PSD3: variants seen among roughly 807,000 people sequenced by gnomAD.
The protein encoded by PSD3 is pleckstrin and Sec7 domain containing 3, also known as PH and SEC7 domain-containing protein 3.
In PSD3, 49 loss-of-function variants were observed where a neutral mutation model predicts 105.5. The observed-to-expected ratio is 0.46, with a 90% CI of 0.37 to 0.59. The LOEUF (loss-of-function observed/expected upper bound fraction) is 0.59. Among genes scored for constraint, PSD3 ranks in the 20% least tolerant of loss-of-function variants. PSD3 has a pLI of 0.00. For synonymous variants in PSD3, 557 were observed against 457.8 expected (o/e 1.22, Z -2.77); for missense variants, 1,561 against 1,263.8 (o/e 1.24, Z -3.57).
intron 9 of PSD3, among the ~76,000 whole-genome samples, chr8:18,677,734 G>A (rs1480106002): frequency 1.3e-5 from 2 of 152,148 alleles, no homozygotes; most frequent in African/African-American, 2.4e-5. Flanking sequence ...CATGTTGACT[G>A]GGCACGGTGG....
intron 2 of PSD3, among the ~76,000 whole-genome samples, chr8:18,899,235 TTC>T (rs2129460464): frequency 1.3e-5 from 2 of 152,320 alleles, no homozygotes; most frequent in South Asian, 4.1e-4. Flanking sequence ...GCTCTTGAAT[TTC>T]TCTGATATCT....
chr8:18,799,195 A>G, intron 8 of PSD3, 100 bp downstream of exon 8: 1 of 1,049,174 alleles, frequency 9.5e-7, no homozygotes, highest in Non-Finnish European at 1.5e-6. Flanking sequence ...AACCATGTAG[A>G]GAATGGGAAA....
rs1461952666 is a variant in PSD3 at position 18,529,156 on chromosome 8, G to C, written c.*6587C>G. 6.6e-6 allele frequency: 1 copy of C among 152,208 alleles called. No homozygotes were observed. The highest frequency in any genetic ancestry group is 1.9e-4 in the East Asian group (1 of 5,186). 9.4% of individuals were successfully genotyped at this position (152,208 alleles called of 1,614,324 possible). A position where few individuals can be genotyped will look rare whatever the true frequency, so the allele number is the denominator to read the frequency against. On this transcript the variant is annotated 3_prime_UTR_variant, in exon 16 of 16. Coordinates refer to ENST00000327040, the MANE Select transcript of PSD3 (RefSeq NM_015310.4). ...TTCACCCAGGCTACGGAGAGATGCT[G>C]GAGAGCTGCTGCTTGTGAATTACAA... is the stretch of plus-strand genomic sequence containing the variant.
chr8:18,668,520 T>G (rs563311545), intron 9 of PSD3, among the ~76,000 whole-genome samples: 1 of 152,326 alleles, frequency 6.6e-6, no homozygotes, highest in South Asian at 2.1e-4. Flanking sequence ...GGTAGTATTA[T>G]TCCCACTCTA....
chr8:19,061,680 C>T (rs531792800), intron 1 of PSD3, among the ~76,000 whole-genome samples: 8 of 151,958 alleles, frequency 5.3e-5, no homozygotes, highest in Non-Finnish European at 7.4e-5. Flanking sequence ...TGGGGTGTGC[C>T]TGTAATCCCA....
intron 15 of PSD3, among the ~76,000 whole-genome samples, chr8:18,540,016 T>C (rs117781269): frequency 0.014 from 2,166 of 152,240 alleles, 18 homozygotes; most frequent in Non-Finnish European, 0.022. Flanking sequence ...GTGCGCTTTA[T>C]TAAGAATGCC....
chr8:18,965,710 T>C (rs1336097881), intron 1 of PSD3, among the ~76,000 whole-genome samples: 3 of 152,234 alleles, frequency 2.0e-5, no homozygotes, highest in Non-Finnish European at 1.5e-5. Context: ...ATTCTGGAGA[T>C]GGATGGCAAG....
At chr8:18,934,161 C>A (rs1821923646) in intron 2 of PSD3, among the ~76,000 whole-genome samples, 1 of 152,186 alleles carries the variant, frequency 6.6e-6, no homozygotes. Context: ...TCCCATCTAA[C>A]ATGTGAGTCA....
chr8:18,647,342 T>C (rs1341368203), intron 10 of PSD3, among the ~76,000 whole-genome samples: 13 of 152,172 alleles, frequency 8.5e-5, no homozygotes, highest in Non-Finnish European at 1.9e-4. Flanking sequence ...GCCAGAACAA[T>C]TTAATATGTG....
chr8:18,686,229 C>T (rs1048305559), intron 9 of PSD3, among the ~76,000 whole-genome samples: 31 of 152,222 alleles, frequency 2.0e-4, no homozygotes, highest in Non-Finnish European at 2.9e-4. Flanking sequence ...TAATACCTTA[C>T]AGAAGCCACT....
chr8:18,847,914 G>A (rs115765048), intron 4 of PSD3, among the ~76,000 whole-genome samples: 471 of 152,280 alleles, frequency 3.1e-3, no homozygotes, highest in African/African-American at 0.011. Flanking sequence ...GTGGGCTGCA[G>A]AAACAATCGG....
intron 12 of PSD3, among the ~76,000 whole-genome samples, chr8:18,578,297 T>C (rs777220331): frequency 3.9e-5 from 6 of 152,092 alleles, no homozygotes; most frequent in Non-Finnish European, 4.4e-5. Flanking sequence ...GGGTTGATAA[T>C]TGCTGACAAA....
intron 2 of PSD3, among the ~76,000 whole-genome samples, chr8:18,877,722 T>C (rs1037366487): frequency 6.6e-6 from 1 of 151,818 alleles, no homozygotes; most frequent in Admixed American, 6.6e-5. Context: ...TTCATTTTTT[T>C]TAAGAGACAG....
At chr8:19,073,534 G>C (rs7812307) in intron 1 of PSD3, among the ~76,000 whole-genome samples, 16,707 of 126,002 alleles carry the variant, frequency 0.13, 1,388 homozygotes, top group African/African-American at 0.25. Context: ...CTGGGCGACA[G>C]AGTGAAACTG....
intron 1 of PSD3, among the ~76,000 whole-genome samples, chr8:19,005,809 G>A (rs1826649462): frequency 6.6e-6 from 1 of 151,930 alleles, no homozygotes; most frequent in South Asian, 2.1e-4. Context: ...TTGAAGTGAT[G>A]AATATGCTCT....
intron 1 of PSD3, among the ~76,000 whole-genome samples, chr8:18,999,166 T>C (rs905169994): frequency 4.6e-5 from 7 of 152,000 alleles, no homozygotes; most frequent in Non-Finnish European, 8.8e-5. Flanking sequence ...TACCTTATAA[T>C]AACCCTTTTC....
chr8:18,568,567 T>C (rs1801939361), intron 14 of PSD3, among the ~76,000 whole-genome samples: 1 of 152,118 alleles, frequency 6.6e-6, no homozygotes, highest in South Asian at 2.1e-4. Flanking sequence ...ACCAGAAGTG[T>C]CCATTCTACA....
At chr8:19,062,833 G>A (rs904131192) in intron 1 of PSD3, among the ~76,000 whole-genome samples, 4 of 152,096 alleles carry the variant, frequency 2.6e-5, no homozygotes, top group Admixed American at 6.6e-5. Flanking sequence ...GATCACTCAC[G>A]TATGAAATAT....
At chr8:18,686,196 C>T (rs1338921409) in intron 9 of PSD3, among the ~76,000 whole-genome samples, 1 of 152,228 alleles carries the variant, frequency 6.6e-6, no homozygotes, top group Non-Finnish European at 1.5e-5. Flanking sequence ...CTAATAACCA[C>T]TTTCATCGAT....
Sources: allele counts gnomAD v4.1 joint callset (sites outside exome capture counted in the v4.1 genomes callset), GRCh38; gene constraint gnomAD v4.1.1; transcripts MANE v1.5; gene names NCBI Gene and HGNC (gene_info 2026-07-23, HGNC 2026-07-21).